Variants in SIPA1L3 observed in about 807,000 individuals in gnomAD.
The protein encoded by SIPA1L3 is signal-induced proliferation-associated 1-like protein 3.
SIPA1L3 carries 59 observed loss-of-function variants against 150.1 expected under a neutral mutation model. The ratio of observed to expected loss-of-function variants is 0.39; its 90% CI spans 0.32 to 0.49. The LOEUF is 0.49. Ranked by LOEUF, SIPA1L3 falls within the 20% of genes least tolerant of loss-of-function variation. The pLI is 0.86. For missense variants in SIPA1L3, 2,211 were observed against 2,489.5 expected (o/e 0.89, Z 2.38); for synonymous variants, 1,070 against 1,077.6 (o/e 0.99, Z 0.14).
chr19:38,124,579 T>A (rs1278558201), intron 9 of SIPA1L3, among the ~76,000 whole-genome samples: 15 of 151,462 alleles, frequency 9.9e-5, no homozygotes, highest in Non-Finnish European at 2.1e-4. Flanking sequence ...GCAGAGACGC[T>A]CCTCACTTCC....
intron 1 of SIPA1L3, among the ~76,000 whole-genome samples, chr19:37,998,686 G>A (rs1409018134): frequency 6.6e-6 from 1 of 152,132 alleles, no homozygotes; most frequent in Non-Finnish European, 1.5e-5. Context: ...TACTCAGGAG[G>A]CTGAGGCAGG....
At chr19:38,005,997 A>G (rs913234180) in intron 1 of SIPA1L3, among the ~76,000 whole-genome samples, 1 of 152,250 alleles carries the variant, frequency 6.6e-6, no homozygotes, top group Non-Finnish European at 1.5e-5. Context: ...TGATCCCACC[A>G]CTGCACTGCA....
At chr19:37,950,705 G>A (rs906429271) in intron 1 of SIPA1L3, among the ~76,000 whole-genome samples, 3 of 152,180 alleles carry the variant, frequency 2.0e-5, no homozygotes, top group African/African-American at 4.8e-5. Context: ...CCACAAGCCC[G>A]TCTGCTGCTC....
chr19:38,188,871 C>G (rs994789642), intron 16 of SIPA1L3, among the ~76,000 whole-genome samples: 2 of 150,454 alleles, frequency 1.3e-5, no homozygotes, highest in Non-Finnish European at 3.0e-5. Context: ...TGCAGTGAGC[C>G]AAGATTGCGC....
chr19:38,091,116 C>T (rs551590316), intron 4 of SIPA1L3, among the ~76,000 whole-genome samples: 5 of 152,200 alleles, frequency 3.3e-5, no homozygotes, highest in Admixed American at 2.0e-4. Flanking sequence ...CTGGGTGCAG[C>T]GGCTCACACC....
chr19:38,156,089 A>AG (rs1266512172), intron 13 of SIPA1L3, among the ~76,000 whole-genome samples: 4 of 152,026 alleles, frequency 2.6e-5, no homozygotes, highest in Admixed American at 2.6e-4. Flanking sequence ...CTCAAAAAAA[A>AG]CAAAAACCAG....
At chr19:37,962,459 C>A (rs1448651113) in intron 1 of SIPA1L3, among the ~76,000 whole-genome samples, 1 of 89,868 alleles carries the variant, frequency 1.1e-5, no homozygotes, top group Non-Finnish European at 2.0e-5. Flanking sequence ...CCACTGCAGC[C>A]GGCCTTTTTT....
At chr19:38,121,403 G>A (rs1213504035) in intron 9 of SIPA1L3, among the ~76,000 whole-genome samples, 14 of 149,708 alleles carry the variant, frequency 9.4e-5, no homozygotes, top group Admixed American at 6.0e-4. Flanking sequence ...ACGCCACTGC[G>A]CTCCAGCCTG....
chr19:38,204,825 C>T (rs144238156), intron 21 of SIPA1L3, among the ~76,000 whole-genome samples: 1 of 152,242 alleles, frequency 6.6e-6, no homozygotes, highest in Non-Finnish European at 1.5e-5. Flanking sequence ...TTATCCGTGA[C>T]AGCATGGGTA....
chr19:38,180,934 T>C lies in SIPA1L3; in HGVS notation c.4209-1585T>C, dbSNP rs144045858. Among the ~76,000 whole-genome samples the C allele has an allele frequency of 1.5e-3, 232 of 152,276 alleles. 1 individual carries two copies. The highest frequency in any genetic ancestry group is 5.2e-3 in the African/African-American group (216 of 41,548). On this transcript the variant is annotated intron_variant, in intron 15 of 21. Transcript: ENST00000222345. ...GTTGAGCTTCTTGGATGTGTAAGGT[T>C]TTCATCAGATTTAAGAAGTTTCCAA...
At chr19:38,095,201 C>T (rs1970350537) in intron 4 of SIPA1L3, among the ~76,000 whole-genome samples, 1 of 152,264 alleles carries the variant, frequency 6.6e-6, no homozygotes, top group Non-Finnish European at 1.5e-5. Context: ...AGCTCTCACT[C>T]TGTACCCAAG....
chr19:38,068,786 A>C (rs1187491806), intron 2 of SIPA1L3, among the ~76,000 whole-genome samples: 2 of 152,122 alleles, frequency 1.3e-5, no homozygotes, highest in East Asian at 3.8e-4. Flanking sequence ...GTGCCCAGGA[A>C]TTTAAGGGCT....
Position 38,038,321 on chromosome 19 carries a change from G to C in SIPA1L3, c.-311+9165G>C, listed in dbSNP as rs996122032. Among the ~76,000 whole-genome samples the C allele has an allele frequency of 2.0e-5, 3 of 152,096 alleles. No individual in the cohort carries two copies. The East Asian group carries it at 5.8e-4, about 29-fold the overall frequency. Reference sequence around the variant, plus strand: ...TAAAAGTCATGTGCAGGCCAGACGAGGTGGCTCATTCCTGTAATCCCAGCA... The same window carrying C: ...TAAAAGTCATGTGCAGGCCAGACGACGTGGCTCATTCCTGTAATCCCAGCA... On this transcript the variant is annotated intron_variant, in intron 2 of 21. Transcript: ENST00000222345.
At chr19:37,911,696 A>G (rs1043727613) in intron 1 of SIPA1L3, among the ~76,000 whole-genome samples, 2 of 151,324 alleles carry the variant, frequency 1.3e-5, no homozygotes, top group Non-Finnish European at 2.9e-5. Flanking sequence ...TATTTTTAGT[A>G]GAGATGGGGT....
chr19:38,065,789 G>A (rs866477495), intron 2 of SIPA1L3, among the ~76,000 whole-genome samples: 29 of 151,962 alleles, frequency 1.9e-4, no homozygotes, highest in Admixed American at 1.2e-3. Flanking sequence ...CATTCCCTTG[G>A]GGCTGCGTGG....
intron 1 of SIPA1L3, among the ~76,000 whole-genome samples, chr19:37,993,688 T>C (rs962725141): frequency 1.3e-5 from 2 of 152,120 alleles, no homozygotes; most frequent in Admixed American, 6.6e-5. Context: ...TTCGAGCCTT[T>C]GTGTTTCCAG....
chr19:37,983,386 A>G lies in SIPA1L3; in HGVS notation c.-378-45703A>G, dbSNP rs1349299877. On this transcript the variant is annotated intron_variant, in intron 1 of 21. Transcript: ENST00000222345. ...CTCATCTGTTAAGTGGGATAATAGTAGGACCTGCCCCACGGAGCAGTTGTG... is the reference window on the plus strand; with the variant it reads ...CTCATCTGTTAAGTGGGATAATAGTGGGACCTGCCCCACGGAGCAGTTGTG... Among the ~76,000 whole-genome samples the G allele has an allele frequency of 2.0e-5, 3 of 152,196 alleles. No individual in the cohort carries two copies. The East Asian group carries it at 5.8e-4, about 29-fold the overall frequency.
intron 1 of SIPA1L3, among the ~76,000 whole-genome samples, chr19:38,000,945 T>TATATAAC (rs1432086467): frequency 1.1e-4 from 11 of 99,826 alleles, no homozygotes; most frequent in East Asian, 2.1e-4. Flanking sequence ...ATATATAACA[T>TATATAAC]ATAACACACA....
intron 10 of SIPA1L3, among the ~76,000 whole-genome samples, chr19:38,139,786 A>G (rs916403004): frequency 1.3e-5 from 2 of 152,204 alleles, no homozygotes; most frequent in African/African-American, 4.8e-5. Flanking sequence ...TTCAAGATCC[A>G]GGCACTGGCA....
Sources: gnomAD v4.1 joint callset for allele counts (sites outside exome capture counted in the v4.1 genomes callset) on GRCh38, gnomAD v4.1.1 for gene constraint, MANE v1.5 for transcripts, NCBI Gene and HGNC (gene_info 2026-07-23, HGNC 2026-07-21) for gene names.